Variants in TLL2 observed in about 807,000 individuals in gnomAD.
TLL2 encodes tolloid like 2, also known as tolloid-like protein 2.
TLL2 carries 106 observed loss-of-function variants against 123.0 expected under a neutral mutation model. The ratio of observed to expected loss-of-function variants is 0.86; its 90% CI spans 0.74 to 1.01. TLL2 has a LOEUF of 1.01. Among genes scored for constraint, TLL2 ranks in the 50% least tolerant of loss-of-function variants. The pLI is 0.00. For synonymous variants in TLL2, 494 were observed against 516.8 expected (o/e 0.96, Z 0.60); for missense variants, 1,332 against 1,336.7 (o/e 1.00, Z 0.06).
intron 8 of TLL2, among the ~76,000 whole-genome samples, chr10:96,410,979 C>T (rs547563513): frequency 2.6e-5 from 4 of 152,026 alleles, no homozygotes; most frequent in Non-Finnish European, 4.4e-5. Flanking sequence ...TGGTGGCTCA[C>T]GCCTGTAATC....
At chr10:96,424,529 A>G (rs1284574083) in intron 5 of TLL2, among the ~76,000 whole-genome samples, 2 of 152,162 alleles carry the variant, frequency 1.3e-5, no homozygotes, top group African/African-American at 2.4e-5. Flanking sequence ...TATTTTGCCA[A>G]TTGGATAGGT....
intron 2 of TLL2, among the ~76,000 whole-genome samples, chr10:96,476,660 T>C (rs1211281996): frequency 6.6e-6 from 1 of 151,036 alleles, no homozygotes; most frequent in African/African-American, 2.4e-5. Flanking sequence ...AGAAAAAAAA[T>C]GGGAAACAAT....
chr10:96,378,844 G>A (rs1846160293), intron 17 of TLL2, 123 bp downstream of exon 17: 3 of 1,321,884 alleles, frequency 2.3e-6, no homozygotes, highest in Middle Eastern at 2.7e-4. Flanking sequence ...GCAGTTGCTG[G>A]GCCTCAGCTC....
intron 1 of TLL2, among the ~76,000 whole-genome samples, chr10:96,500,810 G>GAGGGAGGGAGGCAGGGAGGGAGGGAGGC (rs71034381): frequency 2.9e-5 from 4 of 139,084 alleles, no homozygotes; most frequent in Non-Finnish European, 6.1e-5. Context: ...GGGACGGAGG[G>GAGGGAGGGAGGCAGGGAGGGAGGGAGGC]AGGGAGGGAG....
chr10:96,451,044 T>C (rs937670423), intron 2 of TLL2, among the ~76,000 whole-genome samples: 2 of 152,048 alleles, frequency 1.3e-5, no homozygotes, highest in African/African-American at 4.8e-5. Flanking sequence ...AAAAGAGAGC[T>C]CCCGGCCTGT....
At chr10:96,451,126 C>T (rs1263037159) in intron 2 of TLL2, among the ~76,000 whole-genome samples, 1 of 152,192 alleles carries the variant, frequency 6.6e-6, no homozygotes, top group Non-Finnish European at 1.5e-5. Context: ...TGTTTCTATC[C>T]AGCATTTGCA....
At chr10:96,502,942 G>C (rs1564920814) in intron 1 of TLL2, among the ~76,000 whole-genome samples, 2 of 152,108 alleles carry the variant, frequency 1.3e-5, no homozygotes, top group Admixed American at 6.5e-5. Context: ...ATTGGTAATT[G>C]GCAGAAGTGG....
At chr10:96,407,868 C>CATGCATGTGTGTGT (rs1564900723) in intron 9 of TLL2, among the ~76,000 whole-genome samples, 1 of 148,904 alleles carries the variant, frequency 6.7e-6, no homozygotes. Context: ...CATGTGTGTG[C>CATGCATGTGTGTGT]GCACACGTGT....
chr10:96,489,056 C>T (rs2134108351), intron 1 of TLL2, among the ~76,000 whole-genome samples: 1 of 152,246 alleles, frequency 6.6e-6, no homozygotes, highest in East Asian at 1.9e-4. Context: ...GCAAAGAGCG[C>T]TGTGACTAAT....
Position 96,366,060 on chromosome 10 carries a change from A to G in TLL2, c.*2028T>C, listed in dbSNP as rs1846022667. ...AACTGCAGAATTTTTATTTCCTTGG[A>G]GAAAGAACCATAACACCCATCTTAG... is the stretch of plus-strand genomic sequence containing the variant. On this transcript the variant is annotated 3_prime_UTR_variant, in exon 21 of 21. Coordinates refer to ENST00000357947, the MANE Select transcript of TLL2 (RefSeq NM_012465.4). The G allele has an allele frequency of 6.6e-6, 1 of 152,228 alleles. No individual in the cohort carries two copies. Among genetic ancestry groups the G allele is most frequent in the Non-Finnish European group, 1.5e-5 (1 of 68,042 alleles). The allele number at this position is 152,228 out of a possible 1,614,324, so 9.4% of individuals were successfully genotyped here. A position where few individuals can be genotyped will look rare whatever the true frequency, so the allele number is the denominator to read the frequency against.
At chr10:96,488,572 G>T (rs974937064) in intron 1 of TLL2, among the ~76,000 whole-genome samples, 2 of 152,160 alleles carry the variant, frequency 1.3e-5, no homozygotes, top group African/African-American at 4.8e-5. Context: ...CACTCAGAGG[G>T]GACACAGCCC....
At chr10:96,368,759 A>G (rs1332580802) in intron 20 of TLL2, among the ~76,000 whole-genome samples, 2 of 152,174 alleles carry the variant, frequency 1.3e-5, no homozygotes, top group African/African-American at 2.4e-5. Flanking sequence ...TGGAGCCACT[A>G]TATTGGTCAG....
chr10:96,385,510 C>A (rs1224971882), intron 15 of TLL2, among the ~76,000 whole-genome samples: 1 of 152,148 alleles, frequency 6.6e-6, no homozygotes, highest in Non-Finnish European at 1.5e-5. Flanking sequence ...CAAGGTGAGA[C>A]CCCCAGCTCA....
chr10:96,426,837 T>C (rs1310248638), intron 5 of TLL2, among the ~76,000 whole-genome samples: 2 of 152,248 alleles, frequency 1.3e-5, no homozygotes, highest in Non-Finnish European at 2.9e-5. Flanking sequence ...CTCTTGAATT[T>C]GTTAGCTCTG....
intron 2 of TLL2, among the ~76,000 whole-genome samples, chr10:96,458,186 T>C (rs918641124): frequency 1.3e-5 from 2 of 151,920 alleles, no homozygotes; most frequent in African/African-American, 4.8e-5. Flanking sequence ...GGAGAGCTGC[T>C]TAGGTGATGA....
intron 11 of TLL2, among the ~76,000 whole-genome samples, chr10:96,396,436 TGCACACATGC>T (rs540819856): frequency 1.1e-4 from 16 of 150,630 alleles, no homozygotes; most frequent in African/African-American, 3.8e-4. Flanking sequence ...CGCGCACACG[TGCACACATGC>T]GCACACATGC....
At chr10:96,404,143 G>A (rs1363952020) in intron 10 of TLL2, among the ~76,000 whole-genome samples, 7 of 152,316 alleles carry the variant, frequency 4.6e-5, no homozygotes, top group Admixed American at 1.3e-4. Flanking sequence ...GGTGTGCTGA[G>A]TGCCGGTCCC....
chr10:96,395,517 C>T (rs1846331964), intron 12 of TLL2, 135 bp from the exon 13 acceptor site: 5 of 840,374 alleles, frequency 5.9e-6, no homozygotes, highest in Non-Finnish European at 7.1e-6. Context: ...CCAGGTCTCT[C>T]CATGCTGCTT....
intron 1 of TLL2, among the ~76,000 whole-genome samples, chr10:96,484,627 A>G (rs977513434): frequency 7.3e-6 from 1 of 137,396 alleles, no homozygotes; most frequent in East Asian, 2.2e-4. Flanking sequence ...ACACACACAC[A>G]CACCATGGCT....
Sources: allele counts gnomAD v4.1 joint callset (sites outside exome capture counted in the v4.1 genomes callset), GRCh38; gene constraint gnomAD v4.1.1; transcripts MANE v1.5; gene names NCBI Gene and HGNC (gene_info 2026-07-23, HGNC 2026-07-21).